CACNA2D3: variants seen among roughly 807,000 people sequenced by gnomAD.
CACNA2D3 encodes the protein calcium voltage-gated channel auxiliary subunit alpha2delta 3, also known as voltage-dependent calcium channel subunit alpha-2/delta-3.
Under a neutral mutation model 160.6 loss-of-function variants are expected in CACNA2D3, and 60 were observed. The observed-to-expected ratio is 0.37, with a 90% CI of 0.30 to 0.46. CACNA2D3 has a LOEUF of 0.46. CACNA2D3 is among the 20% of genes least tolerant of loss of function. The pLI is 1.00. For synonymous variants in CACNA2D3, 558 were observed against 492.9 expected (o/e 1.13, Z -1.75); for missense variants, 1,205 against 1,365.0 (o/e 0.88, Z 1.85).
At chr3:54,962,799 AGG>A (rs1035307990) in intron 27 of CACNA2D3, among the ~76,000 whole-genome samples, 4 of 152,194 alleles carry the variant, frequency 2.6e-5, no homozygotes, top group African/African-American at 9.7e-5. Context: ...AAATGGAAGT[AGG>A]GGTGTTTGGG....
At chr3:54,690,836 A>G (rs1700557382) in intron 11 of CACNA2D3, among the ~76,000 whole-genome samples, 1 of 152,174 alleles carries the variant, frequency 6.6e-6, no homozygotes, top group Non-Finnish European at 1.5e-5. Context: ...GGAAAACCTT[A>G]CACTCATGCT....
chr3:54,554,451 A>G (rs2106691315), intron 5 of CACNA2D3, among the ~76,000 whole-genome samples: 1 of 152,302 alleles, frequency 6.6e-6, no homozygotes, highest in East Asian at 1.9e-4. Flanking sequence ...AGGAAGAGAG[A>G]AAGAGACTTG....
At chr3:54,473,180 C>G (rs1700767534) in intron 4 of CACNA2D3, among the ~76,000 whole-genome samples, 1 of 152,126 alleles carries the variant, frequency 6.6e-6, no homozygotes, top group Non-Finnish European at 1.5e-5. Flanking sequence ...GGTACCAAAA[C>G]AGATATATAG....
intron 27 of CACNA2D3, among the ~76,000 whole-genome samples, chr3:54,958,416 G>A (rs1445193764): frequency 6.6e-6 from 1 of 152,000 alleles, no homozygotes; most frequent in African/African-American, 2.4e-5. Context: ...AGTATTTTTA[G>A]GTCAAAGTCA....
intron 13 of CACNA2D3, among the ~76,000 whole-genome samples, chr3:54,768,839 C>T (rs1702267224): frequency 6.6e-6 from 1 of 152,136 alleles, no homozygotes; most frequent in Non-Finnish European, 1.5e-5. Context: ...TGCTGTGCTT[C>T]CCAAGGTTCT....
chr3:54,835,773 G>C (rs1157871749), intron 14 of CACNA2D3, among the ~76,000 whole-genome samples: 1 of 152,152 alleles, frequency 6.6e-6, no homozygotes, highest in East Asian at 1.9e-4. Flanking sequence ...GGTCAATTTT[G>C]GTGCCTGTCA....
At chr3:54,770,758 C>G (rs1342434774) in intron 13 of CACNA2D3, among the ~76,000 whole-genome samples, 1 of 152,104 alleles carries the variant, frequency 6.6e-6, no homozygotes, top group African/African-American at 2.4e-5. Flanking sequence ...CATTCCCAAA[C>G]CTATTGATGC....
At chr3:54,902,502 C>G (rs1050344498) in intron 27 of CACNA2D3, among the ~76,000 whole-genome samples, 1 of 152,182 alleles carries the variant, frequency 6.6e-6, no homozygotes, top group Non-Finnish European at 1.5e-5. Flanking sequence ...CAGTCCTTCT[C>G]TTGAGAAGCC....
chr3:54,591,587 T>C (rs949188102), intron 9 of CACNA2D3, among the ~76,000 whole-genome samples: 21 of 150,014 alleles, frequency 1.4e-4, no homozygotes, highest in Non-Finnish European at 1.9e-4. Flanking sequence ...TTTTTTTTTT[T>C]CACATCACTA....
intron 25 of CACNA2D3, among the ~76,000 whole-genome samples, chr3:54,895,233 A>G (rs1700160967): frequency 1.3e-5 from 2 of 152,192 alleles, no homozygotes; most frequent in Non-Finnish European, 2.9e-5. Flanking sequence ...TGTGTTTAAT[A>G]CTGGAAGAGC....
intron 11 of CACNA2D3, among the ~76,000 whole-genome samples, chr3:54,651,973 G>C (rs958831578): frequency 6.6e-6 from 1 of 152,174 alleles, no homozygotes; most frequent in Middle Eastern, 3.4e-3. Flanking sequence ...AAACTGCATT[G>C]TTCTCTTCTC....
At chr3:54,883,962 A>G (rs1443683152) in intron 21 of CACNA2D3, among the ~76,000 whole-genome samples, 2 of 152,198 alleles carry the variant, frequency 1.3e-5, no homozygotes, top group East Asian at 3.9e-4. Context: ...CTTTTCTGCC[A>G]CTAGAAATTA....
At chr3:54,526,728 T>C (rs1220431990) in intron 5 of CACNA2D3, among the ~76,000 whole-genome samples, 1 of 152,210 alleles carries the variant, frequency 6.6e-6, no homozygotes, top group Non-Finnish European at 1.5e-5. Flanking sequence ...TCTTGCTCTG[T>C]TGCCCTGGCT....
At chr3:54,805,108 C>T (rs372894093) in intron 13 of CACNA2D3, among the ~76,000 whole-genome samples, 2 of 152,030 alleles carry the variant, frequency 1.3e-5, no homozygotes, top group Non-Finnish European at 2.9e-5. Flanking sequence ...AGGAAAGATC[C>T]AAAATTGACA....
chr3:54,978,576 A>G lies in CACNA2D3; in HGVS notation c.2557-6032A>G, dbSNP rs116826133. Among the ~76,000 whole-genome samples, 1,197 of 152,370 alleles carry G rather than the reference A, an allele frequency of 7.9e-3. 22 individuals carry two copies. The highest frequency in any genetic ancestry group is 0.027 in the African/African-American group (1,140 of 41,588). On this transcript the variant is annotated intron_variant, in intron 29 of 37. Coordinates refer to ENST00000474759, the MANE Select transcript of CACNA2D3 (RefSeq NM_018398.3). ...TGTCCAGCATTTCTACACAAAGAGT[A>G]CAATAGCAACGTATTCCAAAACAGT...
chr3:54,378,865 T>C (rs1004668874), intron 3 of CACNA2D3, among the ~76,000 whole-genome samples: 1 of 152,236 alleles, frequency 6.6e-6, no homozygotes, highest in Admixed American at 6.5e-5. Context: ...CTTTGGCAAA[T>C]GCAGGCTTAG....
chr3:54,489,636 T>C (rs1701075406), intron 4 of CACNA2D3, among the ~76,000 whole-genome samples: 1 of 152,164 alleles, frequency 6.6e-6, no homozygotes, highest in Non-Finnish European at 1.5e-5. Flanking sequence ...AGAGCTGGGG[T>C]TGGAACTCAG....
intron 11 of CACNA2D3, among the ~76,000 whole-genome samples, chr3:54,646,720 C>T (rs1309800617): frequency 6.6e-6 from 1 of 152,172 alleles, no homozygotes; most frequent in Non-Finnish European, 1.5e-5. Flanking sequence ...TGAACATACA[C>T]ATGCATGTTA....
chr3:54,642,580 A>G (rs1261006136), intron 11 of CACNA2D3, among the ~76,000 whole-genome samples: 3 of 152,138 alleles, frequency 2.0e-5, no homozygotes, highest in Non-Finnish European at 4.4e-5. Context: ...CATCTATACA[A>G]TGGTGAAATC....
Sources: gnomAD v4.1 joint callset for allele counts (sites outside exome capture counted in the v4.1 genomes callset) on GRCh38, gnomAD v4.1.1 for gene constraint, MANE v1.5 for transcripts, NCBI Gene and HGNC (gene_info 2026-07-23, HGNC 2026-07-21) for gene names.